The following XIRP2 variants were observed in gnomAD, a reference collection of about 807,000 sequenced individuals.
The protein encoded by XIRP2 is xin actin-binding repeat-containing protein 2.
A neutral mutation model predicts 277.0 loss-of-function variants in XIRP2; 236 were observed. The ratio of observed to expected loss-of-function variants is 0.85; its 90% CI spans 0.77 to 0.95. The LOEUF (loss-of-function observed/expected upper bound fraction) is 0.95, where lower values mean the gene tolerates loss of function less well. XIRP2 is among the 40% of genes least tolerant of loss of function. The pLI is 0.00. For synonymous variants in XIRP2, 1,490 were observed against 1,416.5 expected (o/e 1.05, Z -1.17); for missense variants, 4,640 against 4,157.5 (o/e 1.12, Z -3.19).
intron 2 of XIRP2, among the ~76,000 whole-genome samples, chr2:166,994,695 A>AAG (rs1163874785): frequency 7.5e-6 from 1 of 134,014 alleles, no homozygotes; most frequent in Non-Finnish European, 1.6e-5. Flanking sequence ...TATCAAAAAA[A>AAG]AAAAAAACTT....
intron 1 of XIRP2, among the ~76,000 whole-genome samples, chr2:166,901,436 T>C (rs1005042715): frequency 6.6e-6 from 1 of 152,094 alleles, no homozygotes; most frequent in Admixed American, 6.6e-5. Flanking sequence ...TATTCCAACT[T>C]GATCCAGAAA....
rs1347978248 is a variant in XIRP2, at chr2:166,936,014, T to C, written c.408+32124T>C. Among the ~76,000 whole-genome samples the C allele has an allele frequency of 2.0e-5, 3 of 152,304 alleles. No individual in the cohort carries two copies. In the East Asian group the frequency reaches 5.8e-4, roughly 29 times the overall value. ...CTGTCTTCCAAATGGTTGAACCAGT[T>C]TGCAGTCCCACCAACAGTGTAAAAG... On this transcript the variant is annotated intron_variant, in intron 2 of 10. Coordinates refer to ENST00000409195, the MANE Select transcript of XIRP2 (RefSeq NM_152381.6).
intron 3 of XIRP2, among the ~76,000 whole-genome samples, chr2:167,201,609 C>T (rs981684116): frequency 1.3e-5 from 2 of 152,056 alleles, no homozygotes; most frequent in Non-Finnish European, 2.9e-5. Context: ...TCTATGGTGA[C>T]CAAAGCAATA....
rs1691605755 is a variant in XIRP2, at chr2:167,138,014, A to G, written c.562+1952A>G. Among the ~76,000 whole-genome samples the G allele has an allele frequency of 3.3e-5, 5 of 152,144 alleles. No homozygotes were observed. In the South Asian group the frequency reaches 8.3e-4, roughly 25 times the overall value. On this transcript the variant is annotated intron_variant, in intron 3 of 10. Coordinates refer to ENST00000409195, the MANE Select transcript of XIRP2 (RefSeq NM_152381.6). ...TAAACTGGACAAAACCTACAAACCA[A>G]GAGCATTTTGATATTGCTGTTTTGC...
chr2:166,917,808 G>T (rs771698939), intron 2 of XIRP2, among the ~76,000 whole-genome samples: 1 of 152,068 alleles, frequency 6.6e-6, no homozygotes, highest in African/African-American at 2.4e-5. Context: ...TTAGGAGCCC[G>T]ATTCTTTTAC....
chr2:167,224,779 G>A (rs1400206243), intron 5 of XIRP2, among the ~76,000 whole-genome samples: 1 of 152,106 alleles, frequency 6.6e-6, no homozygotes, highest in African/African-American at 2.4e-5. Flanking sequence ...TCTCAAAATA[G>A]CGTATGATTC....
chr2:166,904,702 A>C (rs911193235), intron 2 of XIRP2, among the ~76,000 whole-genome samples: 2 of 152,264 alleles, frequency 1.3e-5, no homozygotes, highest in South Asian at 4.1e-4. Flanking sequence ...TAGAAATTAT[A>C]GTTGAATTTT....
chr2:167,213,901 A>AGG (rs1694136987), intron 4 of XIRP2, among the ~76,000 whole-genome samples: 1 of 152,004 alleles, frequency 6.6e-6, no homozygotes, highest in African/African-American at 2.4e-5. Context: ...TGATAGTACC[A>AGG]GGGGTAGCAG....
At chr2:167,037,663 T>C (rs561001758) in intron 2 of XIRP2, among the ~76,000 whole-genome samples, 4 of 152,080 alleles carry the variant, frequency 2.6e-5, no homozygotes, top group African/African-American at 9.6e-5. Flanking sequence ...AGGGTATATT[T>C]TTAATAAATC....
intron 2 of XIRP2, among the ~76,000 whole-genome samples, chr2:166,972,597 A>T (rs1194219154): frequency 6.6e-6 from 1 of 152,296 alleles, no homozygotes; most frequent in East Asian, 1.9e-4. Flanking sequence ...CCAGCCATAA[A>T]GTTTTATTAA....
At chr2:167,178,889 T>G (rs1350264848) in intron 3 of XIRP2, among the ~76,000 whole-genome samples, 4 of 152,166 alleles carry the variant, frequency 2.6e-5, no homozygotes, top group African/African-American at 9.7e-5. Flanking sequence ...CACACAGAGT[T>G]GTTCAATAAA....
At chr2:167,135,888 C>T (rs1317454973) in intron 2 of XIRP2, 21 bp from the exon 3 acceptor site, 7 of 1,566,648 alleles carry the variant, frequency 4.5e-6, no homozygotes, top group African/African-American at 1.4e-5. Flanking sequence ...TAACATACAA[C>T]CCTTTAATGT....
At position 167,073,923 on chromosome 2, in the gene XIRP2, T is replaced by A. The variant is rs571234720; in HGVS notation, c.409-61986T>A. ...TAAGTTTTTAATTGCATAGTTCAGC[T>A]TAGAATTTTTAAAATAATTTCTTCA... On this transcript the variant is annotated intron_variant, in intron 2 of 10. Coordinates refer to ENST00000409195, the MANE Select transcript of XIRP2 (RefSeq NM_152381.6). Among the ~76,000 whole-genome samples, 6 of 152,342 alleles carry A rather than the reference T, an allele frequency of 3.9e-5. No homozygotes were observed. In the East Asian group the frequency reaches 1.2e-3, roughly 29 times the overall value.
At chr2:167,086,824 T>G (rs1029912177) in intron 2 of XIRP2, among the ~76,000 whole-genome samples, 1 of 150,680 alleles carries the variant, frequency 6.6e-6, no homozygotes, top group Non-Finnish European at 1.5e-5. Flanking sequence ...CTGTATTGGT[T>G]ATTCTAGTTA....
chr2:167,026,805 AT>A (rs1382136024), intron 2 of XIRP2, among the ~76,000 whole-genome samples: 2 of 151,994 alleles, frequency 1.3e-5, no homozygotes, highest in East Asian at 3.9e-4. Context: ...TGGGTTGAAT[AT>A]TCTTTTCTTT....
chr2:166,938,478 G>C (rs974159880), intron 2 of XIRP2, among the ~76,000 whole-genome samples: 1 of 152,166 alleles, frequency 6.6e-6, no homozygotes, highest in Non-Finnish European at 1.5e-5. Flanking sequence ...TATAATTTCT[G>C]TTCTTTTACA....
intron 2 of XIRP2, among the ~76,000 whole-genome samples, chr2:166,946,136 C>T (rs137919421): frequency 1.3e-5 from 2 of 152,128 alleles, no homozygotes; most frequent in East Asian, 3.9e-4. Flanking sequence ...ATAACAATGA[C>T]AATTATGATT....
chr2:166,914,465 C>T (rs11898706), intron 2 of XIRP2, among the ~76,000 whole-genome samples: 180 of 152,204 alleles, frequency 1.2e-3, no homozygotes, highest in African/African-American at 4.2e-3. Flanking sequence ...CTCAGCCTCC[C>T]GAGTAGCTGG....
intron 3 of XIRP2, among the ~76,000 whole-genome samples, chr2:167,171,719 G>GT (rs1692698028): frequency 6.7e-6 from 1 of 149,788 alleles, no homozygotes. Context: ...TAATTCAAGT[G>GT]TTTAAGTTTT....
Sources: allele counts gnomAD v4.1 joint callset (sites outside exome capture counted in the v4.1 genomes callset), GRCh38; gene constraint gnomAD v4.1.1; transcripts MANE v1.5; gene names NCBI Gene and HGNC (gene_info 2026-07-23, HGNC 2026-07-21).